The following ADGRL2 variants were observed in gnomAD, a reference collection of about 807,000 sequenced individuals.
ADGRL2 encodes adhesion G protein-coupled receptor L2, also known as calcium-independent alpha-latrotoxin receptor 2.
ADGRL2 carries 44 observed loss-of-function variants against 157.4 expected under a neutral mutation model. That is an observed-to-expected ratio of 0.28 (90% confidence interval 0.22 to 0.36). ADGRL2 has a LOEUF of 0.36. Among genes scored for constraint, ADGRL2 ranks in the 10% least tolerant of loss-of-function variants. The pLI is 1.00. For missense variants in ADGRL2, 1,510 were observed against 1,768.9 expected, an observed-to-expected ratio of 0.85 and a Z score of 2.63; for synonymous variants, 585 against 624.7, an observed-to-expected ratio of 0.94 and a Z score of 0.95.
chr1:81,455,460 A>G (rs933644530), intron 2 of ADGRL2, among the ~76,000 whole-genome samples: 1 of 152,176 alleles, frequency 6.6e-6, no homozygotes, highest in Non-Finnish European at 1.5e-5. Flanking sequence ...TTTCCTTCTC[A>G]TAAGAATAAA....
At chr1:81,639,771 C>T (rs1382497581) in intron 3 of ADGRL2, among the ~76,000 whole-genome samples, 3 of 152,050 alleles carry the variant, frequency 2.0e-5, no homozygotes, top group African/African-American at 7.2e-5. Flanking sequence ...ATGAGACAAA[C>T]TCTTTCACTT....
intron 3 of ADGRL2, among the ~76,000 whole-genome samples, chr1:81,908,936 G>A (rs924183849): frequency 4.7e-5 from 7 of 149,220 alleles, no homozygotes; most frequent in East Asian, 2.0e-4. Flanking sequence ...GTACAGCGGC[G>A]TGATCTCTGC....
At chr1:81,516,265 C>T (rs1052409470) in intron 2 of ADGRL2, among the ~76,000 whole-genome samples, 1 of 152,080 alleles carries the variant, frequency 6.6e-6, no homozygotes, top group Non-Finnish European at 1.5e-5. Flanking sequence ...AGATGTATGC[C>T]TCTGCTTCTA....
intron 1 of ADGRL2, among the ~76,000 whole-genome samples, chr1:81,316,144 A>G (rs564382899): frequency 1.9e-5 from 1 of 51,924 alleles, no homozygotes; most frequent in East Asian, 2.6e-4. Context: ...AAAAAAAAAG[A>G]AAAAAGAAGA....
intron 4 of ADGRL2, among the ~76,000 whole-genome samples, chr1:81,938,744 G>T (rs1392943031): frequency 6.6e-6 from 1 of 151,324 alleles, no homozygotes; most frequent in Non-Finnish European, 1.5e-5. Context: ...AAATTGCACG[G>T]TTTCAACTAA....
rs187089584 is a variant in ADGRL2 at position 81,764,108 on chromosome 1, C to T, written c.-101+2256C>T. On this transcript the variant is annotated intron_variant, in intron 2 of 20. Transcript: ENST00000359929. Reference sequence around the variant, plus strand: ...TTAGGAGGCTGAGGCAGAAGAATCACGTGAACCCAAGAGGTGGAGATTGCA... The same window carrying T: ...TTAGGAGGCTGAGGCAGAAGAATCATGTGAACCCAAGAGGTGGAGATTGCA... Among the ~76,000 whole-genome samples the T allele has an allele frequency of 3.8e-3, 563 of 149,330 alleles. 3 individuals are homozygous for T. Among genetic ancestry groups the T allele is most frequent in the Admixed American group, 6.3e-3 (93 of 14,794 alleles).
chr1:81,872,794 T>C (rs927215287), intron 2 of ADGRL2, among the ~76,000 whole-genome samples: 7 of 152,148 alleles, frequency 4.6e-5, no homozygotes, highest in African/African-American at 1.7e-4. Context: ...ACATAAACAA[T>C]ATAATCATGA....
upstream of ADGRL2, among the ~76,000 whole-genome samples, chr1:81,796,441 AC>A (rs1391102819): frequency 1.3e-5 from 2 of 152,200 alleles, no homozygotes; most frequent in Non-Finnish European, 2.9e-5. Context: ...TTGATAAAAG[AC>A]CTATAAGACC....
chr1:81,317,047 A>G (rs982451862), intron 1 of ADGRL2, among the ~76,000 whole-genome samples: 4 of 151,774 alleles, frequency 2.6e-5, no homozygotes, highest in African/African-American at 9.7e-5. Flanking sequence ...ACTAGGGATG[A>G]TTTTGCTTCC....
intron 2 of ADGRL2, among the ~76,000 whole-genome samples, chr1:81,506,513 C>A (rs529543858): frequency 1.3e-5 from 2 of 152,046 alleles, no homozygotes; most frequent in East Asian, 3.9e-4. Flanking sequence ...AGTTTGAGAC[C>A]AGCCTGGATG....
At chr1:81,563,892 C>T (rs1171055315) in intron 2 of ADGRL2, among the ~76,000 whole-genome samples, 1 of 152,138 alleles carries the variant, frequency 6.6e-6, no homozygotes, top group African/African-American at 2.4e-5. Flanking sequence ...CTACTAGGTA[C>T]TAAATGTTTT....
At chr1:81,572,799 A>G (rs1275242159) in intron 2 of ADGRL2, among the ~76,000 whole-genome samples, 1 of 151,958 alleles carries the variant, frequency 6.6e-6, no homozygotes, top group African/African-American at 2.4e-5. Flanking sequence ...ACTTTTCAGC[A>G]CTTATAATAT....
intron 3 of ADGRL2, among the ~76,000 whole-genome samples, chr1:81,925,029 TATAA>T (rs2095071610): frequency 6.6e-6 from 1 of 152,118 alleles, no homozygotes; most frequent in South Asian, 2.1e-4. Context: ...GGAGTTGGGA[TATAA>T]TTTGACCATG....
chr1:81,306,851 C>T (rs1399441741), intron 1 of ADGRL2, among the ~76,000 whole-genome samples: 1 of 149,146 alleles, frequency 6.7e-6, no homozygotes, highest in African/African-American at 2.5e-5. Context: ...CCAATAATAG[C>T]CAAGTGTAAA....
At chr1:81,722,415 C>T (rs1570960896) in intron 1 of ADGRL2, 1 of 945,760 alleles carries the variant, frequency 1.1e-6, no homozygotes, top group East Asian at 2.4e-5. Flanking sequence ...TTCACAAATG[C>T]CATTAAGCTG....
At chr1:81,854,299 A>G (rs2093125701) in intron 2 of ADGRL2, among the ~76,000 whole-genome samples, 1 of 152,186 alleles carries the variant, frequency 6.6e-6, no homozygotes, top group Non-Finnish European at 1.5e-5. Context: ...TAGGCAGTGT[A>G]GTCATTTGTA....
upstream of ADGRL2, chr1:81,699,759 G>A (rs1557576382): frequency 6.6e-6 from 1 of 152,238 alleles, no homozygotes; most frequent in Admixed American, 6.5e-5. Context: ...GGAATTTGAA[G>A]AGAGCTTGAT....
chr1:81,417,578 A>G (rs2077054052), intron 1 of ADGRL2, among the ~76,000 whole-genome samples: 1 of 152,174 alleles, frequency 6.6e-6, no homozygotes, highest in Admixed American at 6.6e-5. Context: ...ACCATGTCAT[A>G]GGTGGTGAAC....
chr1:81,321,638 A>T (rs544101219), intron 1 of ADGRL2, among the ~76,000 whole-genome samples: 77 of 152,320 alleles, frequency 5.1e-4, no homozygotes, highest in Middle Eastern at 3.4e-3. Context: ...GAGCAGTCGG[A>T]ACCCACACAT....
Sources: gnomAD v4.1 joint callset for allele counts (sites outside exome capture counted in the v4.1 genomes callset) on GRCh38, gnomAD v4.1.1 for gene constraint, MANE v1.5 for transcripts, NCBI Gene and HGNC (gene_info 2026-07-23, HGNC 2026-07-21) for gene names.